The following SRP68 variants were observed in gnomAD, a reference collection of about 807,000 sequenced individuals.
SRP68 encodes the protein signal recognition particle 68, also known as signal recognition particle subunit SRP68.
A neutral mutation model predicts 82.2 loss-of-function variants in SRP68; 15 were observed. The observed-to-expected ratio is 0.18, with a 90% CI of 0.12 to 0.28. The LOEUF is 0.28. Among genes scored for constraint, SRP68 ranks in the 10% least tolerant of loss-of-function variants. SRP68 has a pLI of 1.00. For missense variants in SRP68, 595 were observed against 780.5 expected (o/e 0.76, Z 2.83); for synonymous variants, 261 against 292.6 (o/e 0.89, Z 1.10).
chr17:76,062,231 G>A (rs1290347782), intron 4 of SRP68, among the ~76,000 whole-genome samples: 3 of 150,748 alleles, frequency 2.0e-5, no homozygotes, highest in African/African-American at 7.3e-5. Flanking sequence ...AGGTTGCAAT[G>A]GGCTGAGACT....
At chr17:76,066,767 G>A (rs995416923) in intron 3 of SRP68, among the ~76,000 whole-genome samples, 1 of 148,976 alleles carries the variant, frequency 6.7e-6, no homozygotes, top group Non-Finnish European at 1.5e-5. Context: ...CACTCTTGTT[G>A]CCCAGGCTGA....
At chr17:76,065,437 CAAAAAA>C (rs11338515) in intron 3 of SRP68, among the ~76,000 whole-genome samples, 2 of 79,030 alleles carry the variant, frequency 2.5e-5, no homozygotes, top group Admixed American at 1.4e-4. Flanking sequence ...GACCCTGTCT[CAAAAAA>C]AAAAAAAAAA....
In SRP68 at chr17:76,071,531, C is replaced by G. The variant is rs190463376; in HGVS notation, c.184+777G>C. Among the ~76,000 whole-genome samples the G allele has an allele frequency of 2.2e-3, 340 of 152,278 alleles. 1 individual carries two copies. Among genetic ancestry groups the G allele is most frequent in the Non-Finnish European group, 3.7e-3 (251 of 68,028 alleles). On this transcript the variant is annotated intron_variant, in intron 1 of 15. Coordinates refer to ENST00000307877, the MANE Select transcript of SRP68 (RefSeq NM_014230.4). The surrounding 1 kb of genome is among the most constrained non-coding windows in gnomAD (Gnocchi z 4.7). ...CAGTAAAATCAGGGCTCGCTAGCGT[C>G]TACTTGGAACTATTACCAGTAATTC...
At position 76,038,984 on chromosome 17, in the gene SRP68, G is replaced by C. The variant is rs1438305319; in HGVS notation, c.*722C>G. The C allele has an allele frequency of 1.2e-5, 2 of 172,676 alleles. No individual in the cohort carries two copies. The highest frequency in any genetic ancestry group is 3.0e-4 in the East Asian group (2 of 6,656). 10.7% of individuals were successfully genotyped at this position (172,676 alleles called of 1,614,324 possible). On this transcript the variant is annotated 3_prime_UTR_variant, in exon 16 of 16. Transcript: ENST00000307877. ...CCTCTAACATGTGTATCTGGCATCA[G>C]CCTCACCTAGTTGCCGGTAAGTCAG... is the stretch of plus-strand genomic sequence containing the variant.
chr17:76,040,653 A>T, intron 14 of SRP68, 179 bp from the exon 15 acceptor site: 1 of 699,444 alleles, frequency 1.4e-6, no homozygotes, highest in Non-Finnish European at 2.5e-6. Context: ...TCCCAGATCC[A>T]ATGCCGTCGG....
chr17:76,063,948 T>C (rs756827156), intron 4 of SRP68, 28 bp downstream of exon 4: 3 of 1,585,534 alleles, frequency 1.9e-6, no homozygotes, highest in South Asian at 1.1e-5. Context: ...ATCTCCACAA[T>C]AAACAAGCTG....
chr17:76,060,779 G>A (rs1376356847), intron 6 of SRP68: 3 of 344,604 alleles, frequency 8.7e-6, no homozygotes, highest in Non-Finnish European at 1.6e-5. Context: ...GGGAGGTGGG[G>A]TTACATGGAT....
intron 9 of SRP68, 60 bp from the exon 10 acceptor site, chr17:76,048,030 C>A: frequency 8.2e-7 from 1 of 1,222,346 alleles, no homozygotes; most frequent in Non-Finnish European, 1.1e-6. Flanking sequence ...GCTCTGACCA[C>A]CTCATGGAAT....
intron 2 of SRP68, among the ~76,000 whole-genome samples, chr17:76,069,759 T>C (rs1431203238): frequency 2.1e-5 from 3 of 144,436 alleles, no homozygotes; most frequent in Non-Finnish European, 3.0e-5. Context: ...GCTACCAGGG[T>C]ATAGATTATT....
intron 2 of SRP68, among the ~76,000 whole-genome samples, chr17:76,070,152 A>G (rs2066838442): frequency 7.6e-6 from 1 of 131,910 alleles, no homozygotes; most frequent in South Asian, 2.6e-4. Context: ...GGAACCCAGG[A>G]GGTGGAGGTT....
chr17:76,062,415 A>G (rs1359312789), intron 4 of SRP68, among the ~76,000 whole-genome samples: 3 of 139,608 alleles, frequency 2.1e-5, no homozygotes, highest in African/African-American at 8.1e-5. Flanking sequence ...ATGACTGTGC[A>G]CTCCAGCTTG....
chr17:76,070,238 AAC>A, intron 2 of SRP68, 138 bp downstream of exon 2: 4 of 716,166 alleles, frequency 5.6e-6, no homozygotes, highest in Non-Finnish European at 9.1e-6. Flanking sequence ...AAAAAAAAAA[AAC>A]AAAGCAAACA....
rs1234612735 is a variant in SRP68 at position 76,043,836 on chromosome 17, C to G, written c.1517G>C (p.Ser506Thr). The G allele has an allele frequency of 6.2e-7, 1 of 1,602,138 alleles. No individual in the cohort carries two copies. Among genetic ancestry groups the G allele is most frequent in the East Asian group, 2.2e-5 (1 of 44,508 alleles). ...VNSDAGAFKN[S>T]LKDLPDVQEL... ...GAGAGGCCAACCTCTCACCTTTAGG[C>G]TGTTCTTGAAGGCGCCAGCATCAGA... The change falls in exon 13 of 16, where the codon AGC (serine) becomes ACC (threonine). Residue 506 changes from serine (S) to threonine (T), a missense_variant. Coordinates refer to ENST00000307877, the MANE Select transcript of SRP68 (RefSeq NM_014230.4).
chr17:76,048,009 T>A (rs1271356393), intron 9 of SRP68, 39 bp from the exon 10 acceptor site: 2 of 1,425,166 alleles, frequency 1.4e-6, no homozygotes, highest in Non-Finnish European at 1.9e-6. Flanking sequence ...AAGCAACTGA[T>A]GCTCTCCATC....
Position 76,072,446 on chromosome 17 carries a change from TGCCGCCGCCGCC to T in SRP68, c.34_45del (p.Gly12_Gly15del). Reference sequence around the variant, plus strand: ...CCGCCACTGCCACCGCCGCCGCCACTGCCGCCGCCGCCGCCGCCGCCTGGGACCTGCTTCTCA... The same window carrying T: ...CCGCCACTGCCACCGCCGCCGCCACTGCCGCCGCCTGGGACCTGCTTCTCA... On this transcript the variant is annotated inframe_deletion, in exon 1 of 16. Transcript: ENST00000307877. The surrounding 1 kb of genome is among the most constrained non-coding windows in gnomAD (Gnocchi z 4.5). 1.9e-6 allele frequency: 3 copies of T among 1,579,356 alleles called. No homozygotes were observed. Among genetic ancestry groups the T allele is most frequent in the East Asian group, 2.3e-5 (1 of 44,336 alleles).
chr17:76,061,394 C>A, intron 5 of SRP68, 98 bp downstream of exon 5: 1 of 1,137,458 alleles, frequency 8.8e-7, no homozygotes, highest in Admixed American at 2.0e-5. Context: ...AGAAAAGTCA[C>A]CCTCACTTTC....
chr17:76,050,231 G>A (rs1448939791), intron 9 of SRP68, among the ~76,000 whole-genome samples, 197 bp downstream of exon 9: 3 of 151,838 alleles, frequency 2.0e-5, no homozygotes, highest in Non-Finnish European at 4.4e-5. Flanking sequence ...GAACAGGGGA[G>A]GGAGAAATTA....
In SRP68 at chr17:76,072,465, G is replaced by GCCGCCC. The variant is rs2066864174; in HGVS notation, c.26_27insGGGCGG (p.Gly14_Gly15dup). 1 of 1,578,618 alleles carries GCCGCCC rather than the reference G, an allele frequency of 6.3e-7. No individual in the cohort carries two copies. Among genetic ancestry groups the GCCGCCC allele is most frequent in the Admixed American group, 1.8e-5 (1 of 56,554 alleles). ...CGCCACTGCCGCCGCCGCCGCCGCC[G>GCCGCCC]CCTGGGACCTGCTTCTCAGCAGCCA... On this transcript the variant is annotated inframe_insertion, in exon 1 of 16. Transcript: ENST00000307877. This position sits in a 1 kb window ranked among gnomAD's most constrained non-coding sequence, Gnocchi z 4.5.
intron 4 of SRP68, among the ~76,000 whole-genome samples, chr17:76,062,121 C>T (rs1053383662): frequency 4.0e-5 from 6 of 151,832 alleles, no homozygotes; most frequent in African/African-American, 7.3e-5. Flanking sequence ...CCTGTCTCTA[C>T]TAAAAATACA....
Sources: allele counts gnomAD v4.1 joint callset (sites outside exome capture counted in the v4.1 genomes callset), GRCh38; gene constraint gnomAD v4.1.1; non-coding constraint Gnocchi (gnomAD v3.1); transcripts MANE v1.5; gene names NCBI Gene and HGNC (gene_info 2026-07-23, HGNC 2026-07-21).